The following PDZRN4 variants were observed in gnomAD, a reference collection of about 807,000 sequenced individuals.
PDZRN4 encodes PDZ domain containing ring finger 4.
Under a neutral mutation model 99.0 loss-of-function variants are expected in PDZRN4, and 70 were observed. The observed-to-expected ratio is 0.71, with a 90% CI of 0.58 to 0.86. The LOEUF (loss-of-function observed/expected upper bound fraction) is 0.86, where lower values mean the gene tolerates loss of function less well. Among genes scored for constraint, PDZRN4 ranks in the 40% least tolerant of loss-of-function variants. The pLI is 0.00. For missense variants in PDZRN4, 1,474 were observed against 1,331.2 expected, an observed-to-expected ratio of 1.11 and a Z score of -1.67; for synonymous variants, 551 against 501.6, an observed-to-expected ratio of 1.10 and a Z score of -1.32.
At chr12:41,432,419 G>A (rs1005830316) in intron 3 of PDZRN4, among the ~76,000 whole-genome samples, 1 of 152,156 alleles carries the variant, frequency 6.6e-6, no homozygotes, top group African/African-American at 2.4e-5. Context: ...ATGTCATATA[G>A]CAATTAGTCA....
At chr12:41,215,077 G>A (rs1485883311) in intron 3 of PDZRN4, among the ~76,000 whole-genome samples, 1 of 152,054 alleles carries the variant, frequency 6.6e-6, no homozygotes, top group Non-Finnish European at 1.5e-5. Flanking sequence ...CAGTTGCATG[G>A]TAGGCCACTT....
chr12:41,537,834 G>A (rs1938775760), intron 5 of PDZRN4, among the ~76,000 whole-genome samples: 2 of 152,230 alleles, frequency 1.3e-5, no homozygotes, highest in Non-Finnish European at 2.9e-5. Context: ...AAAATGATAA[G>A]GTCATTAACC....
At position 41,310,486 on chromosome 12, in the gene PDZRN4, A is replaced by G. The variant is rs111466204; in HGVS notation, c.843+116298A>G. 1.0e-3 allele frequency among the ~76,000 whole-genome samples: 154 copies of G among 151,966 alleles called. 2 individuals carry two copies. Among genetic ancestry groups the G allele is most frequent in the African/African-American group, 3.4e-3 (142 of 41,430 alleles). Reference sequence around the variant, plus strand: ...ATTCAGTTGCTCTTAACCCTTCCACACTTGCGAAGAGGATTTAGCCTGGAT... The same window carrying G: ...ATTCAGTTGCTCTTAACCCTTCCACGCTTGCGAAGAGGATTTAGCCTGGAT... On this transcript the variant is annotated intron_variant, in intron 3 of 9. Transcript: ENST00000402685.
chr12:41,190,931 T>G (rs1950732015), intron 1 of PDZRN4, among the ~76,000 whole-genome samples: 1 of 152,356 alleles, frequency 6.6e-6, no homozygotes, highest in Non-Finnish European at 1.5e-5. Context: ...AATAGGAATA[T>G]TATTTAAAAT....
chr12:41,556,088 A>G (rs1939157131), intron 7 of PDZRN4, among the ~76,000 whole-genome samples: 1 of 152,172 alleles, frequency 6.6e-6, no homozygotes, highest in African/African-American at 2.4e-5. Context: ...GGTAATAATA[A>G]CCTATTGTTG....
intron 3 of PDZRN4, among the ~76,000 whole-genome samples, chr12:41,205,332 A>C (rs537866492): frequency 6.6e-6 from 1 of 151,904 alleles, no homozygotes; most frequent in Non-Finnish European, 1.5e-5. Flanking sequence ...AATGCAAATT[A>C]CATCTTATGA....
intron 3 of PDZRN4, among the ~76,000 whole-genome samples, chr12:41,261,575 T>C (rs763556613): frequency 8.5e-5 from 13 of 152,150 alleles, no homozygotes; most frequent in Admixed American, 3.3e-4. Flanking sequence ...CTGCAAGCTC[T>C]GCCTCCCGGG....
At chr12:41,220,389 C>G (rs948478108) in intron 3 of PDZRN4, among the ~76,000 whole-genome samples, 1 of 152,064 alleles carries the variant, frequency 6.6e-6, no homozygotes, top group African/African-American at 2.4e-5. Context: ...CTCACTGAAT[C>G]TTAATTACCT....
chr12:41,292,688 C>T (rs997140601), intron 3 of PDZRN4, among the ~76,000 whole-genome samples: 1 of 147,530 alleles, frequency 6.8e-6, no homozygotes, highest in Non-Finnish European at 1.5e-5. Context: ...TTTAAAATGA[C>T]ATTCTAAGTA....
rs770664116 is a variant in PDZRN4 at position 41,188,600 on chromosome 12, A to T, written c.145A>T (p.Arg49Trp). The T allele has an allele frequency of 1.9e-6, 3 of 1,540,046 alleles. No individual in the cohort carries two copies. The highest frequency in any genetic ancestry group is 2.6e-6 in the Non-Finnish European group (3 of 1,149,692). The change falls in exon 1 of 10, where the codon AGG (arginine) becomes TGG (tryptophan). Residue 49 changes from arginine to tryptophan, a missense_variant. Transcript: ENST00000402685. ...CTGCCTGTTGCCCTGGGCGGTGCGG[A>T]GGCGCCGGTGCCCGCTGCAGTGCCA... is the stretch of plus-strand genomic sequence containing the variant. Reference protein sequence around the residue: ...ASCLLPWAVRRRRCPLQCQPL... With the variant: ...ASCLLPWAVRWRRCPLQCQPL...
chr12:41,199,919 T>C (rs1950803406), intron 3 of PDZRN4, among the ~76,000 whole-genome samples: 1 of 152,090 alleles, frequency 6.6e-6, no homozygotes, highest in African/African-American at 2.4e-5. Context: ...GTACAATGCA[T>C]CTTATTCAGG....
chr12:41,240,968 T>C (rs1035534949), intron 3 of PDZRN4, among the ~76,000 whole-genome samples: 3 of 152,138 alleles, frequency 2.0e-5, no homozygotes, highest in Admixed American at 2.0e-4. Flanking sequence ...TAATTCTGTA[T>C]TGATTATGGA....
At chr12:41,467,065 G>T (rs1433816617) in intron 3 of PDZRN4, among the ~76,000 whole-genome samples, 1 of 152,218 alleles carries the variant, frequency 6.6e-6, no homozygotes, top group East Asian at 1.9e-4. Flanking sequence ...AACTAACAAA[G>T]CTCCTTTGAT....
In PDZRN4 at chr12:41,564,519, T is replaced by C. The variant is rs1188443931; in HGVS notation, c.1467+870T>C. ...GTTATTGATATGATATTTTTCAGAC[T>C]CAGTAACTACATACTATCTATAAAT... On this transcript the variant is annotated intron_variant, in intron 8 of 9. Transcript: ENST00000402685. Among the ~76,000 whole-genome samples, 8 of 152,304 alleles carry C rather than the reference T, an allele frequency of 5.3e-5. No homozygotes were observed. In the East Asian group the frequency reaches 1.3e-3, roughly 26 times the overall value.
At chr12:41,343,210 C>T (rs1190268465) in intron 3 of PDZRN4, among the ~76,000 whole-genome samples, 1 of 151,816 alleles carries the variant, frequency 6.6e-6, no homozygotes, top group Admixed American at 6.6e-5. Context: ...TCCATTTCCT[C>T]TAGATTTTCT....
intron 3 of PDZRN4, among the ~76,000 whole-genome samples, chr12:41,292,297 G>A (rs534502139): frequency 1.3e-5 from 2 of 152,162 alleles, no homozygotes; most frequent in South Asian, 2.1e-4. Context: ...GGAGAATACC[G>A]TTCCAGATCT....
chr12:41,418,717 GGAGAGCTCT>G (rs1264697259), intron 3 of PDZRN4, among the ~76,000 whole-genome samples: 3 of 152,166 alleles, frequency 2.0e-5, no homozygotes, highest in Non-Finnish European at 2.9e-5. Flanking sequence ...CCTCCTTGGA[GGAGAGCTCT>G]GATGTATGAA....
chr12:41,530,178 C>T (rs1265308239), intron 5 of PDZRN4, among the ~76,000 whole-genome samples: 1 of 152,174 alleles, frequency 6.6e-6, no homozygotes, highest in East Asian at 1.9e-4. Flanking sequence ...TCAGTGAATG[C>T]CGTCTACCCA....
At chr12:41,351,011 A>G (rs1308358093) in intron 3 of PDZRN4, among the ~76,000 whole-genome samples, 1 of 152,160 alleles carries the variant, frequency 6.6e-6, no homozygotes, top group East Asian at 1.9e-4. Context: ...ACAAAAGTCT[A>G]ATTAAAAGGA....
Sources: allele counts gnomAD v4.1 joint callset (sites outside exome capture counted in the v4.1 genomes callset), GRCh38; gene constraint gnomAD v4.1.1; transcripts MANE v1.5; gene names NCBI Gene and HGNC (gene_info 2026-07-23, HGNC 2026-07-21).